TENT4A: variants seen among roughly 807,000 people sequenced by gnomAD.
TENT4A encodes terminal nucleotidyltransferase 4A, also known as DNA polymerase kappa.
A neutral mutation model predicts 72.8 loss-of-function variants in TENT4A; 7 were observed. The ratio of observed to expected loss-of-function variants is 0.10; its 90% CI spans 0.05 to 0.18. TENT4A has a LOEUF of 0.18. TENT4A is among the 10% of genes least tolerant of loss of function. TENT4A has a pLI of 1.00. For missense variants in TENT4A, 831 were observed against 1,017.7 expected, an observed-to-expected ratio of 0.82 and a Z score of 2.50; for synonymous variants, 456 against 434.3, an observed-to-expected ratio of 1.05 and a Z score of -0.62.
At chr5:6,730,499 C>T (rs1741156241) in intron 1 of TENT4A, among the ~76,000 whole-genome samples, 1 of 152,212 alleles carries the variant, frequency 6.6e-6, no homozygotes, top group Non-Finnish European at 1.5e-5. Flanking sequence ...GCGCCCTCCT[C>T]CTCTGTCGGT....
intron 9 of TENT4A, among the ~76,000 whole-genome samples, chr5:6,749,948 A>T (rs987586959): frequency 2.6e-5 from 4 of 152,246 alleles, no homozygotes; most frequent in African/African-American, 9.6e-5. Flanking sequence ...TAACATTTCA[A>T]CATGTAATCA....
intron 1 of TENT4A, among the ~76,000 whole-genome samples, chr5:6,722,547 G>GTTT (rs55840324): frequency 0.037 from 4,598 of 123,094 alleles, 120 homozygotes; most frequent in South Asian, 0.078. Flanking sequence ...GCATTTGTTA[G>GTTT]TTTTTTTTTT....
At chr5:6,740,891 G>T (rs1486309376) in intron 4 of TENT4A, among the ~76,000 whole-genome samples, 1 of 152,234 alleles carries the variant, frequency 6.6e-6, no homozygotes, top group African/African-American at 2.4e-5. Flanking sequence ...ACTCTCATCA[G>T]CAGATGCTGT....
chr5:6,745,248 A>C (rs1407525238), intron 6 of TENT4A, among the ~76,000 whole-genome samples: 1 of 152,236 alleles, frequency 6.6e-6, no homozygotes, highest in African/African-American at 2.4e-5. Flanking sequence ...GGAAATATGC[A>C]GAGAACTCCG....
intron 1 of TENT4A, 135 bp from the exon 2 acceptor site, chr5:6,737,375 A>T: frequency 1.3e-6 from 1 of 759,902 alleles, no homozygotes; most frequent in Non-Finnish European, 2.1e-6. Context: ...TTTTCATTTT[A>T]TACTTTCAGA....
rs1740228298 is a variant in TENT4A, at chr5:6,713,987, G to A, written c.4G>A (p.Asp2Asn). The change falls in exon 1 of 13, where the codon GAT becomes AAT. Residue 2 changes from aspartate to asparagine, a missense_variant. This residue lies in a region of TENT4A where 302 missense variants were observed against 293.8 expected (regional missense o/e 1.03). Coordinates refer to ENST00000230859, the MANE Select transcript of TENT4A (RefSeq NM_006999.6). Reference protein sequence around the residue: MDPRVAWIQPEQ... With the variant: MNPRVAWIQPEQ... ...GCCCCGCGGGGGCGGCGCGTGGATG[G>A]ATCCGCGCGTGGCCTGGATCCAGCC... is the stretch of plus-strand genomic sequence containing the variant. 1 of 978,734 alleles carries A rather than the reference G, an allele frequency of 1.0e-6. No homozygotes were observed. Among genetic ancestry groups the A allele is most frequent in the Non-Finnish European group, 1.2e-6 (1 of 826,418 alleles). 60.6% of individuals were successfully genotyped at this position (978,734 alleles called of 1,614,324 possible).
At chr5:6,736,942 G>A (rs539430022) in intron 1 of TENT4A, among the ~76,000 whole-genome samples, 8 of 152,338 alleles carry the variant, frequency 5.3e-5, no homozygotes, top group East Asian at 3.9e-4. Context: ...AGACTGTGGC[G>A]GATGAAACCA....
At chr5:6,721,553 T>C (rs1280273515) in intron 1 of TENT4A, among the ~76,000 whole-genome samples, 2 of 152,208 alleles carry the variant, frequency 1.3e-5, no homozygotes, top group Non-Finnish European at 2.9e-5. Context: ...TTGTCCACCA[T>C]TGGGCCACTA....
intron 1 of TENT4A, among the ~76,000 whole-genome samples, chr5:6,715,489 A>G (rs1011939316): frequency 6.6e-6 from 1 of 152,162 alleles, no homozygotes; most frequent in Non-Finnish European, 1.5e-5. Flanking sequence ...CCCCTTTGCC[A>G]TTTTGGGCTT....
chr5:6,727,261 A>G (rs1450428514), intron 1 of TENT4A, among the ~76,000 whole-genome samples: 1 of 151,818 alleles, frequency 6.6e-6, no homozygotes, highest in Non-Finnish European at 1.5e-5. Flanking sequence ...AGCCCTTCCT[A>G]ATGTTGCTCA....
chr5:6,733,030 G>T (rs1741287355), intron 1 of TENT4A, among the ~76,000 whole-genome samples: 1 of 152,264 alleles, frequency 6.6e-6, no homozygotes, highest in South Asian at 2.1e-4. Flanking sequence ...TCTGGGGGCA[G>T]TGTTCCTGGC....
intron 11 of TENT4A, chr5:6,751,431 CGG>C (rs775012968): frequency 0.29 from 142,810 of 486,780 alleles, 22,545 homozygotes; most frequent in East Asian, 0.38. Context: ...TGGCTTTTCA[CGG>C]GGGCCAGGTT....
chr5:6,745,872 T>G, intron 6 of TENT4A: 1 of 404,096 alleles, frequency 2.5e-6, no homozygotes, highest in Non-Finnish European at 4.1e-6. Context: ...GAATCTGAAA[T>G]TACATCTACC....
intron 1 of TENT4A, among the ~76,000 whole-genome samples, chr5:6,735,287 AGAACAG>A (rs1194276538): frequency 1.3e-5 from 2 of 152,208 alleles, no homozygotes; most frequent in Admixed American, 1.3e-4. Flanking sequence ...TATTATCCTC[AGAACAG>A]GACTGTGAGG....
chr5:6,715,595 TA>T (rs1299227451), intron 1 of TENT4A, among the ~76,000 whole-genome samples: 1 of 152,204 alleles, frequency 6.6e-6, no homozygotes, highest in Non-Finnish European at 1.5e-5. Context: ...CCCCCCAATT[TA>T]AAAAACAATT....
chr5:6,725,316 G>A (rs914959407), intron 1 of TENT4A, among the ~76,000 whole-genome samples: 17 of 151,962 alleles, frequency 1.1e-4, no homozygotes, highest in Non-Finnish European at 1.5e-4. Context: ...GCGAGACTCC[G>A]TCTCAAAAAA....
intron 1 of TENT4A, among the ~76,000 whole-genome samples, chr5:6,716,824 C>A (rs532075301): frequency 1.3e-5 from 2 of 152,348 alleles, no homozygotes; most frequent in Admixed American, 1.3e-4. Flanking sequence ...ATACTGCAGT[C>A]ATGCTCTTGG....
In TENT4A at chr5:6,714,416, C is replaced by A; in HGVS notation, c.433C>A (p.Arg145Ser). 1 of 1,151,728 alleles carries A rather than the reference C, an allele frequency of 8.7e-7. No individual in the cohort carries two copies. The highest frequency in any genetic ancestry group is 4.8e-5 in the Admixed American group (1 of 20,960). The allele number at this position is 1,151,728 out of a possible 1,614,324, so 71.3% of individuals were successfully genotyped here. ...SASLGRPGGG[R>S]GGAFFNFADG... ...CTCGCTGGGCCGGCCGGGCGGCGGC[C>A]GCGGCGGCGCCTTCTTCAACTTCGC... The change falls in exon 1 of 13, where the codon CGC becomes AGC. Residue 145 changes from arginine to serine, a missense_variant. By Grantham distance (110) the Arg-to-Ser change is moderately radical (BLOSUM62 -1). Around this residue, in one of 3 missense-constraint regions of TENT4A, gnomAD observed 302 missense variants for 293.8 expected, o/e 1.03. Coordinates refer to ENST00000230859, the MANE Select transcript of TENT4A (RefSeq NM_006999.6).
chr5:6,739,290 A>G (rs1411235315), intron 3 of TENT4A, among the ~76,000 whole-genome samples: 1 of 152,180 alleles, frequency 6.6e-6, no homozygotes, highest in Non-Finnish European at 1.5e-5. Flanking sequence ...AAGAGGCTAT[A>G]ATCTCAGGAT....
Sources: gnomAD v4.1 joint callset for allele counts (sites outside exome capture counted in the v4.1 genomes callset) on GRCh38, gnomAD v4.1.1 for gene constraint, gnomAD v4.1.1 regional missense constraint, MANE v1.5 for transcripts, NCBI Gene and HGNC (gene_info 2026-07-23, HGNC 2026-07-21) for gene names.